Variants in NELL1 observed in about 807,000 individuals in gnomAD.
NELL1 encodes protein kinase C-binding protein NELL1.
NELL1 carries 76 observed loss-of-function variants against 107.4 expected under a neutral mutation model. The observed-to-expected ratio is 0.71, with a 90% CI of 0.59 to 0.86. The LOEUF is 0.86. Among genes scored for constraint, NELL1 ranks in the 40% least tolerant of loss-of-function variants. The pLI is 0.00. For missense variants in NELL1, 1,024 were observed against 1,005.5 expected, an observed-to-expected ratio of 1.02 and a Z score of -0.25; for synonymous variants, 353 against 341.2, an observed-to-expected ratio of 1.03 and a Z score of -0.38.
At chr11:21,496,670 A>G (rs1272357599) in intron 15 of NELL1, among the ~76,000 whole-genome samples, 1 of 151,962 alleles carries the variant, frequency 6.6e-6, no homozygotes, top group Non-Finnish European at 1.5e-5. Context: ...CACCCTCCCA[A>G]AGTGCTGGGT....
At chr11:20,953,667 A>G (rs1399079149) in intron 11 of NELL1, among the ~76,000 whole-genome samples, 1 of 152,190 alleles carries the variant, frequency 6.6e-6, no homozygotes, top group Admixed American at 6.5e-5. Context: ...TGTGACCCCA[A>G]CATTTACATT....
At chr11:20,974,134 C>A (rs1428463414) in intron 12 of NELL1, among the ~76,000 whole-genome samples, 1 of 152,136 alleles carries the variant, frequency 6.6e-6, no homozygotes, top group Non-Finnish European at 1.5e-5. Flanking sequence ...ATTGTTTTTT[C>A]CCTAGCACCT....
intron 12 of NELL1, among the ~76,000 whole-genome samples, chr11:21,056,221 A>G (rs1853612159): frequency 6.6e-6 from 1 of 152,188 alleles, no homozygotes; most frequent in Admixed American, 6.6e-5. Context: ...GCTGAGCTAC[A>G]TTGCTTCTTG....
chr11:21,061,806 G>A (rs1004893436), intron 12 of NELL1, among the ~76,000 whole-genome samples: 11 of 152,082 alleles, frequency 7.2e-5, no homozygotes, highest in African/African-American at 1.9e-4. Context: ...TCTCACTCAC[G>A]TCTCCAATTA....
intron 14 of NELL1, among the ~76,000 whole-genome samples, chr11:21,363,751 C>T (rs1005727642): frequency 7.2e-5 from 11 of 152,116 alleles, no homozygotes; most frequent in African/African-American, 2.7e-4. Flanking sequence ...AAATTTACTT[C>T]AATAACAAAT....
rs77221612 is a variant in NELL1, at chr11:21,140,433, T to A, written c.1426+26719T>A. 9.5e-3 allele frequency among the ~76,000 whole-genome samples: 1,451 copies of A among 152,332 alleles called. 65 individuals are homozygous for A. In the East Asian group the frequency reaches 0.12, roughly 12 times the overall value. ...ATCACATATGTAATTGTATTGGAAC[T>A]GTTAGATGCACTGGAGTTTAATAAC... On this transcript the variant is annotated intron_variant, in intron 13 of 19. Transcript: ENST00000357134.
chr11:20,713,699 T>G (rs922881401), intron 2 of NELL1, among the ~76,000 whole-genome samples: 45 of 152,176 alleles, frequency 3.0e-4, no homozygotes, highest in African/African-American at 9.4e-4. Flanking sequence ...CAGTTGAAAT[T>G]ATTACAGATT....
chr11:20,669,568 C>A (rs1853839145), upstream of NELL1: 12 of 436,246 alleles, frequency 2.8e-5, no homozygotes, highest in Non-Finnish European at 5.0e-5. The surrounding 1 kb of genome is among the most constrained non-coding windows in gnomAD (Gnocchi z 4.4). Flanking sequence ...CCTTCCCGGG[C>A]GCATATGCGA....
chr11:21,295,273 T>C (rs562729762), intron 14 of NELL1, among the ~76,000 whole-genome samples: 81 of 152,114 alleles, frequency 5.3e-4, no homozygotes, highest in African/African-American at 1.8e-3. Context: ...ATAACCATAC[T>C]ACTAAAGCTA....
intron 15 of NELL1, among the ~76,000 whole-genome samples, chr11:21,504,997 C>G (rs1054251237): frequency 1.3e-5 from 2 of 152,114 alleles, no homozygotes; most frequent in East Asian, 3.9e-4. Flanking sequence ...AACATTTTCC[C>G]CCTTTTTTAT....
intron 1 of NELL1, chr11:20,674,429 G>C: frequency 7.6e-7 from 1 of 1,316,808 alleles, no homozygotes; most frequent in Non-Finnish European, 1.1e-6. Context: ...CATGAGTCTG[G>C]TGTAACAGGT....
intron 12 of NELL1, among the ~76,000 whole-genome samples, chr11:21,021,725 T>C (rs1412161962): frequency 6.6e-6 from 1 of 152,136 alleles, no homozygotes; most frequent in African/African-American, 2.4e-5. Context: ...CAAATCTGTT[T>C]ATAGTAATTA....
intron 15 of NELL1, among the ~76,000 whole-genome samples, chr11:21,519,986 A>G (rs963318839): frequency 2.0e-5 from 3 of 152,140 alleles, no homozygotes; most frequent in African/African-American, 2.4e-5. Context: ...ACCCATATCA[A>G]TCGCTTTGGG....
intron 2 of NELL1, among the ~76,000 whole-genome samples, chr11:20,725,610 G>A (rs1855491675): frequency 6.6e-6 from 1 of 152,182 alleles, no homozygotes; most frequent in Admixed American, 6.5e-5. Context: ...CACTTTATAT[G>A]TGAGGAAATA....
intron 3 of NELL1, among the ~76,000 whole-genome samples, chr11:20,831,237 G>T (rs981969399): frequency 6.6e-6 from 1 of 152,092 alleles, no homozygotes; most frequent in Non-Finnish European, 1.5e-5. Context: ...TGCTGCTCAT[G>T]GTGTGGCCTG....
chr11:21,574,225 C>G (rs1467332586), intron 19 of NELL1, among the ~76,000 whole-genome samples: 1 of 148,768 alleles, frequency 6.7e-6, no homozygotes, highest in Non-Finnish European at 1.5e-5. Context: ...AGCTTCCCAA[C>G]TTGCCTCTTT....
At chr11:21,403,988 ATC>A (rs1032262310) in intron 15 of NELL1, among the ~76,000 whole-genome samples, 3 of 133,818 alleles carry the variant, frequency 2.2e-5, no homozygotes, top group Non-Finnish European at 4.7e-5. Flanking sequence ...GGCGGAAAAT[ATC>A]TCTGTCATTC....
In NELL1 at chr11:20,776,454, A is replaced by G. The variant is rs554891260; in HGVS notation, c.185-7226A>G. Among the ~76,000 whole-genome samples the G allele has an allele frequency of 9.2e-5, 14 of 152,094 alleles. No individual in the cohort carries two copies. The South Asian group carries it at 1.7e-3, about 18-fold the overall frequency. On this transcript the variant is annotated intron_variant, in intron 2 of 19. Coordinates refer to ENST00000357134, the MANE Select transcript of NELL1 (RefSeq NM_006157.5). ...CAGAGTGAGATACTGTCTCAAAAAAATAAATAAAAATAAAATAAAATTTTA... is the reference window on the plus strand; with the variant it reads ...CAGAGTGAGATACTGTCTCAAAAAAGTAAATAAAAATAAAATAAAATTTTA...
rs138402076 is a variant in NELL1, at chr11:21,574,861, TTC to T, written c.2383-109_2383-108del. ...TTTTTTCTAGTCATTTTTTATAGCC[TTC>T]TTGAAGTTTGTCTCAAAATGCTGAA... On this transcript the variant is annotated intron_variant, in intron 19 of 19. Coordinates refer to ENST00000357134, the MANE Select transcript of NELL1 (RefSeq NM_006157.5). 2.4e-3 allele frequency: 2,002 copies of T among 849,428 alleles called. 29 individuals are homozygous for T. In the African/African-American group the frequency reaches 0.03, roughly 13 times the overall value. The allele number at this position is 849,428 out of a possible 1,614,324, so 52.6% of individuals were successfully genotyped here.
Sources: allele counts gnomAD v4.1 joint callset (sites outside exome capture counted in the v4.1 genomes callset), GRCh38; gene constraint gnomAD v4.1.1; non-coding constraint Gnocchi (gnomAD v3.1); transcripts MANE v1.5; gene names NCBI Gene and HGNC (gene_info 2026-07-23, HGNC 2026-07-21).